PPARD: variants seen among roughly 807,000 people sequenced by gnomAD.
PPARD encodes the protein peroxisome proliferator activated receptor delta, also known as peroxisome proliferator-activated receptor delta.
Under a neutral mutation model 39.5 loss-of-function variants are expected in PPARD, and 6 were observed. The ratio of observed to expected loss-of-function variants is 0.15; its 90% CI spans 0.08 to 0.30. PPARD has a LOEUF of 0.30. Among genes scored for constraint, PPARD ranks in the 10% least tolerant of loss-of-function variants. The pLI, the probability that PPARD is intolerant of heterozygous loss-of-function variation, is 1.00. For synonymous variants in PPARD, 210 were observed against 231.3 expected (o/e 0.91, Z 0.83); for missense variants, 397 against 596.8 (o/e 0.67, Z 3.49).
chr6:35,372,521 A>G (rs1762541496), intron 2 of PPARD, among the ~76,000 whole-genome samples: 2 of 152,192 alleles, frequency 1.3e-5, no homozygotes, highest in African/African-American at 2.4e-5. Flanking sequence ...GGCTAGCCAA[A>G]TCGCTCAACC....
chr6:35,374,888 T>A (rs1274938710), intron 2 of PPARD, among the ~76,000 whole-genome samples: 2 of 152,028 alleles, frequency 1.3e-5, no homozygotes, highest in Non-Finnish European at 2.9e-5. Flanking sequence ...GCCCTCTATT[T>A]CTTTATTCTC....
chr6:35,405,419 T>G (rs1264590234), intron 2 of PPARD, among the ~76,000 whole-genome samples: 1 of 152,098 alleles, frequency 6.6e-6, no homozygotes, highest in East Asian at 1.9e-4. Context: ...TGCCCCCTCA[T>G]TCTGGCTCAG....
At chr6:35,384,977 C>G (rs1250008364) in intron 2 of PPARD, among the ~76,000 whole-genome samples, 1 of 139,176 alleles carries the variant, frequency 7.2e-6, no homozygotes, top group Non-Finnish European at 1.5e-5. Flanking sequence ...GGTCAGCCCC[C>G]CGCCGGGCCA....
At chr6:35,343,224 C>G (rs1791963018) in intron 1 of PPARD, among the ~76,000 whole-genome samples, 1 of 152,116 alleles carries the variant, frequency 6.6e-6, no homozygotes, top group Non-Finnish European at 1.5e-5. Flanking sequence ...TCTCCCCATC[C>G]CTGTCCCCTT....
Position 35,425,035 on chromosome 6 carries a change from G to A in PPARD, c.1078+256G>A, listed in dbSNP as rs1040603087. The A allele has an allele frequency of 1.5e-6, 2 of 1,297,260 alleles. No homozygotes were observed. The highest frequency in any genetic ancestry group is 2.0e-6 in the Non-Finnish European group (2 of 1,016,664). 80.4% of individuals were successfully genotyped at this position (1,297,260 alleles called of 1,614,324 possible). ...CACCTGTAATCCCAGCACTTTGGCA[G>A]GCCGAGGCGGGTGGATCACTTGAGG... On this transcript the variant is annotated intron_variant, in intron 7 of 7. Transcript: ENST00000360694. The surrounding 1 kb of genome is among the most constrained non-coding windows in gnomAD (Gnocchi z 4.5).
At chr6:35,345,664 C>T (rs896301061) in intron 1 of PPARD, among the ~76,000 whole-genome samples, 14 of 152,026 alleles carry the variant, frequency 9.2e-5, no homozygotes, top group South Asian at 2.1e-4. Context: ...CCTTTCAACC[C>T]GACCTGTGGT....
Position 35,347,152 on chromosome 6 carries a change from T to A in PPARD, c.-102+2T>A. The A allele has an allele frequency of 6.5e-7, 1 of 1,535,682 alleles. No homozygotes were observed. Among genetic ancestry groups the A allele is most frequent in the Non-Finnish European group, 8.7e-7 (1 of 1,146,568 alleles). ...GATGAAGACAGATGCACCAACGAGG[T>A]AATCCCATTTTCTTTACTCAGGGGT... On this transcript the variant is annotated splice_donor_variant, in intron 2 of 7. Coordinates refer to ENST00000360694, the MANE Select transcript of PPARD (RefSeq NM_006238.5). LOFTEE classifies it low-confidence loss of function (5UTR_SPLICE).
At position 35,357,004 on chromosome 6, in the gene PPARD, GTGTCCACAATGTAC is replaced by G. The variant is rs535925686; in HGVS notation, c.-102+9855_-102+9868del. Among the ~76,000 whole-genome samples the G allele has an allele frequency of 4.5e-3, 682 of 152,348 alleles. 5 individuals are homozygous for G. The highest frequency in any genetic ancestry group is 0.027 in the Middle Eastern group (8 of 294). ...TATGATGTCTGCACAACAGAGGAGA[GTGTCCACAATGTAC>G]AGCTCTTCCCTGGAGCAGTTATGTT... On this transcript the variant is annotated intron_variant, in intron 2 of 7. Transcript: ENST00000360694.
At chr6:35,373,756 C>T (rs1235455309) in intron 2 of PPARD, among the ~76,000 whole-genome samples, 1 of 152,034 alleles carries the variant, frequency 6.6e-6, no homozygotes, top group Non-Finnish European at 1.5e-5. Flanking sequence ...CAGCCCTGAC[C>T]TCCCCAACTC....
At position 35,424,284 on chromosome 6, in the gene PPARD, TG is replaced by T; in HGVS notation, c.628-40del. On this transcript the variant is annotated intron_variant, in intron 6 of 7. Transcript: ENST00000360694. This position sits in a 1 kb window ranked among gnomAD's most constrained non-coding sequence, Gnocchi z 7.1. ...GGCAAGGGACATGGGGAGCACAGGG[TG>T]GGGGTCTCCCGAGGCCTGATCTCTA... 6.2e-7 allele frequency: 1 copy of T among 1,600,052 alleles called. No individual in the cohort carries two copies. Among genetic ancestry groups the T allele is most frequent in the Non-Finnish European group, 8.5e-7 (1 of 1,170,982 alleles).
At chr6:35,415,065 C>T (rs1765663499) in intron 3 of PPARD, among the ~76,000 whole-genome samples, 1 of 152,196 alleles carries the variant, frequency 6.6e-6, no homozygotes. Context: ...CAGTGACATC[C>T]ATCCCAATCA....
At chr6:35,348,860 C>G (rs1171036944) in intron 2 of PPARD, 1 of 985,250 alleles carries the variant, frequency 1.0e-6, no homozygotes. Context: ...CAAAGTACCT[C>G]CTGAGCGGGG....
chr6:35,359,957 G>A (rs184488353), intron 2 of PPARD, among the ~76,000 whole-genome samples: 2 of 152,292 alleles, frequency 1.3e-5, no homozygotes, highest in Admixed American at 1.3e-4. Flanking sequence ...AGGAAGGATG[G>A]CTGGCTGGAT....
intron 2 of PPARD, among the ~76,000 whole-genome samples, chr6:35,375,136 TTAACG>T (rs1406119349): frequency 1.3e-5 from 2 of 152,070 alleles, no homozygotes; most frequent in Non-Finnish European, 2.9e-5. Context: ...GGGATTTAAC[TTAACG>T]TATTACTGTA....
chr6:35,392,344 G>C (rs1764059833), intron 2 of PPARD, among the ~76,000 whole-genome samples: 2 of 152,170 alleles, frequency 1.3e-5, no homozygotes, highest in South Asian at 4.1e-4. Flanking sequence ...CGGGCTGTTG[G>C]ACGCTCCCCA....
At chr6:35,371,224 C>T (rs1762463353) in intron 2 of PPARD, among the ~76,000 whole-genome samples, 1 of 152,080 alleles carries the variant, frequency 6.6e-6, no homozygotes, top group Non-Finnish European at 1.5e-5. Flanking sequence ...CTGGACCCTG[C>T]CCCCTAGGAG....
chr6:35,352,044 CTTG>C (rs1425753339), intron 2 of PPARD, among the ~76,000 whole-genome samples: 6 of 151,056 alleles, frequency 4.0e-5, no homozygotes, highest in East Asian at 2.0e-4. Flanking sequence ...CATTTTTTAA[CTTG>C]TTGTAGAGAT....
chr6:35,424,798 G>A lies in PPARD; in HGVS notation c.1078+19G>A, dbSNP rs1406753262. On this transcript the variant is annotated intron_variant, in intron 7 of 7. Transcript: ENST00000360694. This position sits in a 1 kb window ranked among gnomAD's most constrained non-coding sequence, Gnocchi z 7.1. ...TGTGGAGGTGAGTGAGAGTGGGGCA[G>A]GTGGGCTGGCCTGGCACACCCAGTC... 1.2e-6 allele frequency: 2 copies of A among 1,608,648 alleles called. No homozygotes were observed. Among genetic ancestry groups the A allele is most frequent in the Non-Finnish European group, 8.5e-7 (1 of 1,176,356 alleles).
chr6:35,418,510 T>C (rs1019957563), intron 3 of PPARD, among the ~76,000 whole-genome samples: 4 of 152,236 alleles, frequency 2.6e-5, no homozygotes, highest in Non-Finnish European at 5.9e-5. Context: ...GGTGCCCTGG[T>C]GGACAAAGTT....
Sources: gnomAD v4.1 joint callset for allele counts (sites outside exome capture counted in the v4.1 genomes callset) on GRCh38, gnomAD v4.1.1 for gene constraint, Gnocchi (gnomAD v3.1) non-coding constraint, MANE v1.5 for transcripts, NCBI Gene and HGNC (gene_info 2026-07-23, HGNC 2026-07-21) for gene names.